Variants in MYT1 observed in about 807,000 individuals in gnomAD.
The protein encoded by MYT1 is myelin transcription factor 1.
A neutral mutation model predicts 123.0 loss-of-function variants in MYT1; 23 were observed. The observed-to-expected ratio is 0.19, with a 90% CI of 0.13 to 0.26. MYT1 has a LOEUF of 0.26. Among genes scored for constraint, MYT1 ranks in the 10% least tolerant of loss-of-function variants. The pLI, the probability that MYT1 is intolerant of heterozygous loss-of-function variation, is 1.00. For missense variants in MYT1, 1,125 were observed against 1,472.5 expected (o/e 0.76, Z 3.86); for synonymous variants, 518 against 575.3 (o/e 0.90, Z 1.43).
chr20:64,186,774 C>G lies in MYT1; in HGVS notation c.-98-3289C>G, dbSNP rs1319917650. Among the ~76,000 whole-genome samples, 1 of 152,084 alleles carries G rather than the reference C, an allele frequency of 6.6e-6. No individual in the cohort carries two copies. The highest frequency in any genetic ancestry group is 6.5e-5 in the Admixed American group (1 of 15,286). On this transcript the variant is annotated intron_variant, in intron 1 of 22. Transcript: ENST00000328439. This position sits in a 1 kb window ranked among gnomAD's most constrained non-coding sequence, Gnocchi z 4.3. ...AGAGATTTCCTGTAGCCCGTGGCCC[C>G]GGCATCCACGTTTCCGTGGAGACTT...
At position 64,208,099 on chromosome 20, in the gene MYT1, A is replaced by AGAG. The variant is rs147483668; in HGVS notation, c.917_919dup (p.Glu306dup). 26 of 1,605,282 alleles carry AGAG rather than the reference A, an allele frequency of 1.6e-5. No individual in the cohort carries two copies. The African/African-American group carries it at 2.2e-4, about 13-fold the overall frequency. ...AAGAGGAGGAGGAAGAGGAAGAGGA[A>AGAG]GAGGAGGAGGAGGAGGCAGCTCCTG... On this transcript the variant is annotated inframe_insertion, in exon 7 of 23. Coordinates refer to ENST00000328439, the MANE Select transcript of MYT1 (RefSeq NM_004535.3). This position sits in a 1 kb window ranked among gnomAD's most constrained non-coding sequence, Gnocchi z 5.4.
At chr20:64,230,614 C>A (rs1430516173) in intron 18 of MYT1, among the ~76,000 whole-genome samples, 2 of 152,244 alleles carry the variant, frequency 1.3e-5, no homozygotes, top group African/African-American at 4.8e-5. Context: ...TCTTCCCAGC[C>A]AGTCTGTGCC....
chr20:64,222,213 G>GT (rs1237773413), intron 14 of MYT1, among the ~76,000 whole-genome samples, 166 bp downstream of exon 14: 3 of 152,184 alleles, frequency 2.0e-5, no homozygotes, highest in African/African-American at 7.2e-5. Flanking sequence ...GTATTCAGAG[G>GT]TTTCCCAACA....
In MYT1 at chr20:64,212,785, C is replaced by G. The variant is rs1055976788; in HGVS notation, c.1517+647C>G. 2.6e-5 allele frequency among the ~76,000 whole-genome samples: 4 copies of G among 151,928 alleles called. No homozygotes were observed. Among genetic ancestry groups the G allele is most frequent in the African/African-American group, 9.7e-5 (4 of 41,358 alleles). On this transcript the variant is annotated intron_variant, in intron 9 of 22. Transcript: ENST00000328439. This position sits in a 1 kb window ranked among gnomAD's most constrained non-coding sequence, Gnocchi z 6.8. ...CCTCGAGGTGTAGTTGTTGACTGGT[C>G]TTCTATGGTGAGGGGGGACTACTCC...
Position 64,178,390 on chromosome 20 carries a change from T to C in MYT1, c.-98-11673T>C, listed in dbSNP as rs531638622. Among the ~76,000 whole-genome samples the C allele has an allele frequency of 2.9e-4, 44 of 152,344 alleles. No individual in the cohort carries two copies. The South Asian group carries it at 8.7e-3, about 30-fold the overall frequency. On this transcript the variant is annotated intron_variant, in intron 1 of 22. Coordinates refer to ENST00000328439, the MANE Select transcript of MYT1 (RefSeq NM_004535.3). ...GGGGTGGGTTCAGAACCACGTGCTG[T>C]GCGTGGTCCTGGTGTCTCGTTCGTC... is the stretch of plus-strand genomic sequence containing the variant.
At chr20:64,183,174 C>A (rs1415887394) in intron 1 of MYT1, among the ~76,000 whole-genome samples, 1 of 152,214 alleles carries the variant, frequency 6.6e-6, no homozygotes, top group Non-Finnish European at 1.5e-5. Context: ...TTTCACTGAA[C>A]ACGAAGTTTT....
chr20:64,240,454 G>C lies in MYT1; in HGVS notation c.*6G>C. 3.1e-6 allele frequency: 5 copies of C among 1,611,268 alleles called. No individual in the cohort carries two copies. The highest frequency in any genetic ancestry group is 3.4e-6 in the Non-Finnish European group (4 of 1,179,138). ...TGAGGGGCATCCAGGTCTAGGCCGT[G>C]TGGTACCCAGAAGTGTCCCAGCCCA... On this transcript the variant is annotated 3_prime_UTR_variant, in exon 23 of 23. Coordinates refer to ENST00000328439, the MANE Select transcript of MYT1 (RefSeq NM_004535.3).
intron 10 of MYT1, among the ~76,000 whole-genome samples, chr20:64,215,005 G>A (rs769991020): frequency 2.0e-5 from 3 of 152,210 alleles, no homozygotes; most frequent in Non-Finnish European, 2.9e-5. Context: ...CTGTGGGCAT[G>A]CTTGCCATCC....
rs1232063798 is a variant in MYT1, at chr20:64,192,173, AG to A, written c.-1+2015del. ...TGAACAAAGCCAGGGACCCGTGCCC[AG>A]GTTCTCGTGGCATCACCAGCTCTTT... is the stretch of plus-strand genomic sequence containing the variant. On this transcript the variant is annotated intron_variant, in intron 2 of 22. Transcript: ENST00000328439. The surrounding 1 kb of genome is among the most constrained non-coding windows in gnomAD (Gnocchi z 5.3). Among the ~76,000 whole-genome samples, 1 of 152,232 alleles carries A rather than the reference AG, an allele frequency of 6.6e-6. No individual in the cohort carries two copies. Among genetic ancestry groups the A allele is most frequent in the Non-Finnish European group, 1.5e-5 (1 of 68,042 alleles).
chr20:64,235,301 C>T (rs1476668493), intron 19 of MYT1, among the ~76,000 whole-genome samples: 4 of 36,678 alleles, frequency 1.1e-4, no homozygotes, highest in Admixed American at 5.1e-4. Flanking sequence ...TGGGTGACCC[C>T]GAGCTGGCTG....
chr20:64,165,730 G>A (rs1350033286), intron 1 of MYT1, among the ~76,000 whole-genome samples: 1 of 152,210 alleles, frequency 6.6e-6, no homozygotes, highest in African/African-American at 2.4e-5. Context: ...CTGCAGGTGG[G>A]TTTGGTCCTG....
chr20:64,231,989 C>T lies in MYT1; in HGVS notation c.2676-175C>T, dbSNP rs1984333203. Among the ~76,000 whole-genome samples, 1 of 152,180 alleles carries T rather than the reference C, an allele frequency of 6.6e-6. No individual in the cohort carries two copies. Among genetic ancestry groups the T allele is most frequent in the African/African-American group, 2.4e-5 (1 of 41,454 alleles). On this transcript the variant is annotated intron_variant, in intron 18 of 22. Transcript: ENST00000328439. The surrounding 1 kb of genome is among the most constrained non-coding windows in gnomAD (Gnocchi z 6.4). ...CGTGGCCCGGGTCTTCACACTCAGC[C>T]CGGAAGGGCCAGTTCTTCCCTGAGG...
At position 64,218,710 on chromosome 20, in the gene MYT1, C is replaced by G. The variant is rs548226655; in HGVS notation, c.1847-201C>G. ...GGGTGGCCAAGCCCCTGGCCCACTT[C>G]GATATAGCTGTGCCCTGGGCCCTCC... On this transcript the variant is annotated intron_variant, in intron 11 of 22. Coordinates refer to ENST00000328439, the MANE Select transcript of MYT1 (RefSeq NM_004535.3). The surrounding 1 kb of genome is among the most constrained non-coding windows in gnomAD (Gnocchi z 4.0). The G allele has an allele frequency of 6.9e-5, 48 of 695,410 alleles. No individual in the cohort carries two copies. In the South Asian group the frequency reaches 7.5e-4, roughly 11 times the overall value. The allele number at this position is 695,410 out of a possible 1,614,324, so 43.1% of individuals were successfully genotyped here.
chr20:64,203,631 G>A lies in MYT1; in HGVS notation c.87-1404G>A, dbSNP rs879652900. Among the ~76,000 whole-genome samples, 9 of 152,034 alleles carry A rather than the reference G, an allele frequency of 5.9e-5. No homozygotes were observed. Among genetic ancestry groups the A allele is most frequent in the Non-Finnish European group, 1.2e-4 (8 of 68,020 alleles). ...AAACCCCACCCTGGAAGGCTGCAGA[G>A]AACATCCCCCTCCCCCACCCCATGG... On this transcript the variant is annotated intron_variant, in intron 4 of 22. Coordinates refer to ENST00000328439, the MANE Select transcript of MYT1 (RefSeq NM_004535.3). This position sits in a 1 kb window ranked among gnomAD's most constrained non-coding sequence, Gnocchi z 5.1.
At position 64,227,413 on chromosome 20, in the gene MYT1, A is replaced by G. The variant is rs750474550; in HGVS notation, c.2529-2A>G. The G allele has an allele frequency of 1.2e-6, 2 of 1,612,442 alleles. No homozygotes were observed. Among genetic ancestry groups the G allele is most frequent in the Admixed American group, 1.7e-5 (1 of 59,990 alleles). On this transcript the variant is annotated splice_acceptor_variant, in intron 16 of 22. Transcript: ENST00000328439. LOFTEE classifies it high-confidence loss of function. ...CCGTTCCAGTTCTGCTTCCCTCTGC[A>G]GGTGCCCCACGCCCGGCTGTGACGG...
At chr20:64,183,308 T>G (rs778367621) in intron 1 of MYT1, among the ~76,000 whole-genome samples, 2 of 152,246 alleles carry the variant, frequency 1.3e-5, no homozygotes, top group African/African-American at 4.8e-5. Context: ...TTCCACTTTT[T>G]GGCTAGTATG....
chr20:64,206,308 G>A (rs1983487474), intron 6 of MYT1, among the ~76,000 whole-genome samples: 1 of 152,192 alleles, frequency 6.6e-6, no homozygotes, highest in Non-Finnish European at 1.5e-5. Context: ...ACCAGATGGA[G>A]CCTCTGAAGA....
intron 1 of MYT1, among the ~76,000 whole-genome samples, chr20:64,173,239 A>G (rs1042397172): frequency 2.0e-5 from 3 of 152,102 alleles, no homozygotes; most frequent in African/African-American, 7.2e-5. Context: ...AGCCTGGCCA[A>G]TTTCCCTCCC....
Position 64,186,774 on chromosome 20 carries a change from C to T in MYT1, c.-98-3289C>T, listed in dbSNP as rs1319917650. Among the ~76,000 whole-genome samples the T allele has an allele frequency of 3.3e-5, 5 of 152,084 alleles. No individual in the cohort carries two copies. The highest frequency in any genetic ancestry group is 6.5e-5 in the Admixed American group (1 of 15,286). On this transcript the variant is annotated intron_variant, in intron 1 of 22. Transcript: ENST00000328439. This position sits in a 1 kb window ranked among gnomAD's most constrained non-coding sequence, Gnocchi z 4.3. Reference sequence around the variant, plus strand: ...AGAGATTTCCTGTAGCCCGTGGCCCCGGCATCCACGTTTCCGTGGAGACTT... The same window carrying T: ...AGAGATTTCCTGTAGCCCGTGGCCCTGGCATCCACGTTTCCGTGGAGACTT...
Sources: allele counts gnomAD v4.1 joint callset (sites outside exome capture counted in the v4.1 genomes callset), GRCh38; gene constraint gnomAD v4.1.1; non-coding constraint Gnocchi (gnomAD v3.1); transcripts MANE v1.5; gene names NCBI Gene and HGNC (gene_info 2026-07-23, HGNC 2026-07-21).